The following FRMD3 variants were observed in gnomAD, a reference collection of about 807,000 sequenced individuals.
FRMD3 encodes FERM domain-containing protein 3.
In FRMD3, 33 loss-of-function variants were observed where a neutral mutation model predicts 70.2. The ratio of observed to expected loss-of-function variants is 0.47; its 90% CI spans 0.36 to 0.63. The LOEUF is 0.63. Ranked by LOEUF, FRMD3 falls within the 20% of genes least tolerant of loss-of-function variation. FRMD3 has a pLI of 0.00. For missense variants in FRMD3, 632 were observed against 711.4 expected, an observed-to-expected ratio of 0.89 and a Z score of 1.27; for synonymous variants, 279 against 255.9, an observed-to-expected ratio of 1.09 and a Z score of -0.86.
intron 1 of FRMD3, among the ~76,000 whole-genome samples, chr9:83,513,537 T>C (rs1829385795): frequency 6.6e-6 from 1 of 152,216 alleles, no homozygotes; most frequent in African/African-American, 2.4e-5. Flanking sequence ...GTTTGAAGAG[T>C]TAACTTCCTT....
At chr9:83,409,234 G>T (rs1826211731) in intron 1 of FRMD3, among the ~76,000 whole-genome samples, 1 of 152,162 alleles carries the variant, frequency 6.6e-6, no homozygotes, top group Non-Finnish European at 1.5e-5. Flanking sequence ...AGGACAAGAA[G>T]GAAGCCAGGC....
At chr9:83,545,088 C>T in the FRMD3 span, among the ~76,000 whole-genome samples, 5 of 152,038 alleles carry the variant, frequency 3.3e-5, no homozygotes, top group Non-Finnish European at 7.4e-5. Context: ...TGTAAGGAAG[C>T]TCAATGAGAT....
chr9:83,269,647 T>A (rs566860757), intron 13 of FRMD3, among the ~76,000 whole-genome samples: 2 of 150,972 alleles, frequency 1.3e-5, no homozygotes, highest in South Asian at 4.2e-4. Context: ...AGGCGGAGGT[T>A]GCAGCAAGCC....
chr9:83,267,117 TC>T, intron 13 of FRMD3: 3 of 1,550,676 alleles, frequency 1.9e-6, no homozygotes, highest in Non-Finnish European at 2.6e-6. Flanking sequence ...CGAGTCTGGA[TC>T]TTGACCAAGC....
intron 13 of FRMD3, among the ~76,000 whole-genome samples, chr9:83,273,054 G>C (rs868361073): frequency 1.8e-4 from 22 of 124,004 alleles, no homozygotes; most frequent in Admixed American, 3.1e-4. Context: ...GGGAGGTGGG[G>C]GGGGGCGCCT....
At chr9:83,323,556 C>T (rs1311147062) in intron 6 of FRMD3, among the ~76,000 whole-genome samples, 1 of 152,218 alleles carries the variant, frequency 6.6e-6, no homozygotes, top group African/African-American at 2.4e-5. Flanking sequence ...ATGCCCTCTT[C>T]ATGTGCTGCC....
the FRMD3 span, among the ~76,000 whole-genome samples, chr9:83,555,596 G>C: frequency 6.6e-6 from 1 of 152,298 alleles, no homozygotes; most frequent in East Asian, 1.9e-4. Flanking sequence ...CAAACCAGTG[G>C]GTCTTATCTT....
At chr9:83,451,389 T>TCA (rs10611241) in intron 1 of FRMD3, among the ~76,000 whole-genome samples, 10,375 of 147,510 alleles carry the variant, frequency 0.07, 540 homozygotes, top group East Asian at 0.33. Flanking sequence ...AATACATACA[T>TCA]CACACACACA....
chr9:83,469,480 GA>G (rs1362203572), intron 1 of FRMD3, among the ~76,000 whole-genome samples: 1 of 152,196 alleles, frequency 6.6e-6, no homozygotes, highest in Non-Finnish European at 1.5e-5. Context: ...AAAGTCAAAT[GA>G]GAGAGTACAG....
chr9:83,520,319 A>C (rs1218310452), intron 1 of FRMD3, among the ~76,000 whole-genome samples: 2 of 152,188 alleles, frequency 1.3e-5, no homozygotes, highest in Non-Finnish European at 2.9e-5. Flanking sequence ...AAATAAAGGC[A>C]TATGTATTTG....
At chr9:83,570,397 A>G in the FRMD3 span, among the ~76,000 whole-genome samples, 1 of 152,236 alleles carries the variant, frequency 6.6e-6, no homozygotes, top group African/African-American at 2.4e-5. Context: ...TGGAGGTCAT[A>G]TATTACTTTT....
intron 1 of FRMD3, among the ~76,000 whole-genome samples, chr9:83,444,725 G>A (rs1454666212): frequency 1.3e-5 from 2 of 152,206 alleles, no homozygotes; most frequent in African/African-American, 4.8e-5. Flanking sequence ...TTCTGCCTTT[G>A]CTGTAAGATG....
At chr9:83,521,087 C>T (rs1009012272) in intron 1 of FRMD3, among the ~76,000 whole-genome samples, 2 of 150,260 alleles carry the variant, frequency 1.3e-5, no homozygotes, top group Non-Finnish European at 3.0e-5. Flanking sequence ...TGCAGTGAGC[C>T]GAGATCACAC....
At chr9:83,329,180 A>T (rs375932082) in intron 6 of FRMD3, among the ~76,000 whole-genome samples, 100 of 152,252 alleles carry the variant, frequency 6.6e-4, no homozygotes, top group African/African-American at 2.4e-3. Context: ...TTTTACAGTG[A>T]ACGCATTTGA....
At chr9:83,502,728 A>G (rs1023579354) in intron 1 of FRMD3, among the ~76,000 whole-genome samples, 1 of 152,192 alleles carries the variant, frequency 6.6e-6, no homozygotes, top group African/African-American at 2.4e-5. Context: ...AAATGCTTTG[A>G]AAATCTCGGC....
At position 83,349,712 on chromosome 9, in the gene FRMD3, T is replaced by C. The variant is rs778758442; in HGVS notation, c.341A>G (p.His114Arg). ...TMCFRVKFYP[H>R]EPLKIKEELT... is the part of the protein sequence containing the mutation. ...CTCTTCTTTAATCTTCAAGGGTTCA[T>C]GTGGGTAGAATTTCACTCTAAAGCA... Residue 114 changes from histidine (H) to arginine (R), a missense_variant, in exon 4 of 14, where the codon CAT becomes CGT. Transcript: ENST00000304195. 1.6e-5 allele frequency: 26 copies of C among 1,612,370 alleles called. No homozygotes were observed. In the Middle Eastern group the frequency reaches 6.6e-4, roughly 41 times the overall value.
intron 3 of FRMD3, among the ~76,000 whole-genome samples, chr9:83,367,868 A>C (rs948519587): frequency 2.6e-5 from 4 of 152,132 alleles, no homozygotes; most frequent in African/African-American, 9.7e-5. Flanking sequence ...ATCTGTAGTA[A>C]TGTCCCTTCA....
chr9:83,281,105 GGGA>G (rs1314722563), intron 13 of FRMD3, among the ~76,000 whole-genome samples: 1 of 152,188 alleles, frequency 6.6e-6, no homozygotes, highest in East Asian at 1.9e-4. Context: ...CTTAAGAGAA[GGGA>G]GGAGACGGAG....
chr9:83,578,316 G>A, the FRMD3 span, among the ~76,000 whole-genome samples: 128 of 151,830 alleles, frequency 8.4e-4, 1 homozygote, highest in African/African-American at 2.8e-3. Context: ...GGAACACTTC[G>A]AAATTCATTT....
Sources: allele counts gnomAD v4.1 joint callset (sites outside exome capture counted in the v4.1 genomes callset), GRCh38; gene constraint gnomAD v4.1.1; transcripts MANE v1.5; gene names NCBI Gene and HGNC (gene_info 2026-07-23, HGNC 2026-07-21).